RGS6: variants seen among roughly 807,000 people sequenced by gnomAD.
RGS6 encodes the protein regulator of G protein signaling 6.
In RGS6, 30 loss-of-function variants were observed where a neutral mutation model predicts 78.5. That is an observed-to-expected ratio of 0.38 (90% CI 0.29 to 0.52). The LOEUF (loss-of-function observed/expected upper bound fraction) is 0.52. Ranked by LOEUF, RGS6 falls within the 20% of genes least tolerant of loss-of-function variation. The pLI, the probability that RGS6 is intolerant of heterozygous loss-of-function variation, is 0.85. For missense variants in RGS6, 495 were observed against 609.7 expected (o/e 0.81, Z 1.98); for synonymous variants, 206 against 206.0 (o/e 1.00, Z 0.00).
In RGS6 at chr14:72,396,029, A is replaced by G. The variant is rs537341191; in HGVS notation, c.184+43835A>G. Among the ~76,000 whole-genome samples, 105 of 152,184 alleles carry G rather than the reference A, an allele frequency of 6.9e-4. 1 individual carries two copies. The highest frequency in any genetic ancestry group is 2.4e-3 in the African/African-American group (99 of 41,496). On this transcript the variant is annotated intron_variant, in intron 3 of 17. Transcript: ENST00000553525. ...TGTCTTTATGGCAGCATGATTTATA[A>G]TCCTTTGGGTATATACCCAGTAATG...
At chr14:71,992,621 T>G (rs2095012423) in intron 2 of RGS6, among the ~76,000 whole-genome samples, 2 of 152,240 alleles carry the variant, frequency 1.3e-5, no homozygotes, top group Non-Finnish European at 2.9e-5. Flanking sequence ...TTGTTTGATT[T>G]TTAGAAGCCA....
At chr14:71,948,998 T>C (rs1313104053) in intron 1 of RGS6, among the ~76,000 whole-genome samples, 2 of 152,228 alleles carry the variant, frequency 1.3e-5, no homozygotes, top group African/African-American at 2.4e-5. Context: ...TGTTGCAATG[T>C]GTAGCAGTAG....
chr14:72,144,533 A>C (rs2096582152), intron 2 of RGS6, among the ~76,000 whole-genome samples: 1 of 152,176 alleles, frequency 6.6e-6, no homozygotes, highest in African/African-American at 2.4e-5. Flanking sequence ...TGAATGATTT[A>C]AAATGGCATT....
intron 2 of RGS6, among the ~76,000 whole-genome samples, chr14:72,164,991 G>A (rs2096904687): frequency 6.6e-6 from 1 of 152,210 alleles, no homozygotes; most frequent in Non-Finnish European, 1.5e-5. Context: ...ACCAGTCAGG[G>A]TGGAGGTGAG....
chr14:72,436,929 C>T (rs1343257924), intron 3 of RGS6, among the ~76,000 whole-genome samples: 5 of 152,062 alleles, frequency 3.3e-5, no homozygotes, highest in Non-Finnish European at 7.4e-5. Context: ...GATGAGGGTC[C>T]CTCACCTTAA....
At chr14:71,875,401 A>G in the RGS6 span, among the ~76,000 whole-genome samples, 1 of 151,988 alleles carries the variant, frequency 6.6e-6, no homozygotes, top group Non-Finnish European at 1.5e-5. Context: ...GAATTTATCC[A>G]TTTCTTCTAG....
intron 3 of RGS6, among the ~76,000 whole-genome samples, chr14:72,407,366 T>C (rs948326131): frequency 4.6e-5 from 7 of 152,238 alleles, no homozygotes; most frequent in Non-Finnish European, 1.0e-4. Flanking sequence ...TGGAAAGCTC[T>C]GCTTCCCTCT....
chr14:71,993,682 G>A (rs953627640), intron 2 of RGS6, among the ~76,000 whole-genome samples: 4 of 151,896 alleles, frequency 2.6e-5, no homozygotes, highest in Non-Finnish European at 5.9e-5. Flanking sequence ...TAGCCTTTAG[G>A]GTATATACTG....
rs565887641 is a variant in RGS6, at chr14:72,326,943, G to A, written c.85-25152G>A. ...AGGATGGTCTCAATCTCCTGACCTC[G>A]TGATCTGCCCACCTCGGCCTCCCAA... On this transcript the variant is annotated intron_variant, in intron 2 of 17. Transcript: ENST00000553525. Among the ~76,000 whole-genome samples, 774 of 152,196 alleles carry A rather than the reference G, an allele frequency of 5.1e-3. 5 individuals carry two copies. The highest frequency in any genetic ancestry group is 0.018 in the African/African-American group (743 of 41,540).
In RGS6 at chr14:72,564,413, G is replaced by A. The variant is rs2097700423; in HGVS notation, c.*1946G>A. ...TCAATGGCATAAAGCCCCATTCCAAGTTATGGGGTCTTTTGACAGGCCCCT... is the reference window on the plus strand; with the variant it reads ...TCAATGGCATAAAGCCCCATTCCAAATTATGGGGTCTTTTGACAGGCCCCT... On this transcript the variant is annotated 3_prime_UTR_variant, in exon 18 of 18. Transcript: ENST00000553525. 6.6e-6 allele frequency: 1 copy of A among 152,330 alleles called. No individual in the cohort carries two copies. The highest frequency in any genetic ancestry group is 1.5e-5 in the Non-Finnish European group (1 of 68,022). The allele number at this position is 152,330 out of a possible 1,614,324, so 9.4% of individuals were successfully genotyped here.
chr14:72,363,058 C>T (rs941151441), intron 3 of RGS6, among the ~76,000 whole-genome samples: 1 of 152,136 alleles, frequency 6.6e-6, no homozygotes, highest in African/African-American at 2.4e-5. Context: ...AGAAGAGGAG[C>T]ATATTGGCAG....
In RGS6 at chr14:72,164,548, C is replaced by T. The variant is rs547577936; in HGVS notation, c.85-187547C>T. ...CACCTCATGGAATCTTCGCCACAACCCATTGATATGGGGATTATTTTCCAT... is the reference window on the plus strand; with the variant it reads ...CACCTCATGGAATCTTCGCCACAACTCATTGATATGGGGATTATTTTCCAT... On this transcript the variant is annotated intron_variant, in intron 2 of 17. Transcript: ENST00000553525. Among the ~76,000 whole-genome samples, 163 of 152,272 alleles carry T rather than the reference C, an allele frequency of 1.1e-3. 4 individuals are homozygous for T. The South Asian group carries it at 0.032, about 30-fold the overall frequency.
intron 3 of RGS6, among the ~76,000 whole-genome samples, chr14:72,450,459 G>A (rs1261337289): frequency 6.6e-6 from 1 of 152,122 alleles, no homozygotes; most frequent in African/African-American, 2.4e-5. Flanking sequence ...CAATGGAGAG[G>A]TGTTTTGGGT....
At chr14:71,889,294 A>G in the RGS6 span, among the ~76,000 whole-genome samples, 4 of 152,208 alleles carry the variant, frequency 2.6e-5, no homozygotes, top group Admixed American at 6.5e-5. Context: ...GGGGAAGTAC[A>G]TGGTGACCAA....
chr14:72,109,464 T>G (rs1422773700), intron 2 of RGS6, among the ~76,000 whole-genome samples: 2 of 152,156 alleles, frequency 1.3e-5, no homozygotes, highest in Non-Finnish European at 1.5e-5. Flanking sequence ...AATTTTAGAG[T>G]CTATAACTTG....
chr14:72,253,921 C>T (rs1465844466), intron 2 of RGS6, among the ~76,000 whole-genome samples: 4 of 152,184 alleles, frequency 2.6e-5, no homozygotes, highest in East Asian at 1.9e-4. Context: ...CATTACGTTT[C>T]GGGGCACCAC....
intron 2 of RGS6, among the ~76,000 whole-genome samples, chr14:71,975,107 T>C (rs1051041471): frequency 7.2e-5 from 11 of 152,230 alleles, no homozygotes; most frequent in Non-Finnish European, 1.6e-4. Flanking sequence ...TGGGCCATGA[T>C]TGTGCCACCA....
intron 17 of RGS6, among the ~76,000 whole-genome samples, chr14:72,555,868 T>G (rs2097568158): frequency 6.6e-6 from 1 of 152,186 alleles, no homozygotes; most frequent in African/African-American, 2.4e-5. Flanking sequence ...CAGGTGGCTG[T>G]TTGTTAGTAA....
At chr14:72,175,782 C>T (rs1349261833) in intron 2 of RGS6, among the ~76,000 whole-genome samples, 1 of 152,126 alleles carries the variant, frequency 6.6e-6, no homozygotes, top group African/African-American at 2.4e-5. Context: ...TTCTAAGTAT[C>T]AGCTGAAATG....
Sources: gnomAD v4.1 joint callset for allele counts (sites outside exome capture counted in the v4.1 genomes callset) on GRCh38, gnomAD v4.1.1 for gene constraint, MANE v1.5 for transcripts, NCBI Gene and HGNC (gene_info 2026-07-23, HGNC 2026-07-21) for gene names.